CORO2A: variants seen among roughly 807,000 people sequenced by gnomAD.
The protein encoded by CORO2A is coronin 2A.
In CORO2A, 47 loss-of-function variants were observed where a neutral mutation model predicts 62.4. The ratio of observed to expected loss-of-function variants is 0.75; its 90% CI spans 0.60 to 0.96. The LOEUF (loss-of-function observed/expected upper bound fraction) is 0.96, where lower values mean the gene tolerates loss of function less well. CORO2A is among the 40% of genes least tolerant of loss of function. CORO2A has a pLI of 0.00. For synonymous variants in CORO2A, 273 were observed against 268.9 expected (o/e 1.02, Z -0.15); for missense variants, 610 against 684.1 (o/e 0.89, Z 1.21).
At chr9:98,174,489 TA>T (rs546961101) in intron 1 of CORO2A, among the ~76,000 whole-genome samples, 40 of 152,170 alleles carry the variant, frequency 2.6e-4, no homozygotes, top group Admixed American at 8.5e-4. Context: ...AATCAAAATG[TA>T]AAAATCTTGG....
intron 2 of CORO2A, among the ~76,000 whole-genome samples, chr9:98,144,899 G>A (rs1190069935): frequency 6.6e-6 from 1 of 152,032 alleles, no homozygotes; most frequent in Non-Finnish European, 1.5e-5. Context: ...ATAGAGAGGT[G>A]GACAAATGGA....
Position 98,137,848 on chromosome 9 carries a change from G to T in CORO2A, c.202-160C>A, listed in dbSNP as rs532753708. On this transcript the variant is annotated intron_variant, in intron 2 of 11. Transcript: ENST00000375077. ...TCTTATTCCCTGTGGGATCCTGGGG[G>T]AGTTACTTCACTTCTCTGAGCTCTG... 1.2e-4 allele frequency among the ~76,000 whole-genome samples: 19 copies of T among 152,300 alleles called. 1 individual carries two copies. The South Asian group carries it at 3.1e-3, about 25-fold the overall frequency.
At chr9:98,176,388 G>A (rs991423879) in intron 1 of CORO2A, among the ~76,000 whole-genome samples, 6 of 152,104 alleles carry the variant, frequency 3.9e-5, no homozygotes, top group Admixed American at 2.0e-4. Flanking sequence ...GTTTTGGCTC[G>A]TACCAGTCTA....
intron 2 of CORO2A, among the ~76,000 whole-genome samples, chr9:98,146,008 C>T (rs987318237): frequency 1.4e-4 from 21 of 152,164 alleles, no homozygotes; most frequent in Admixed American, 1.2e-3. Context: ...ACCATGCTGG[C>T]TAAGGCTGGC....
chr9:98,142,274 G>T (rs568885754), intron 2 of CORO2A, among the ~76,000 whole-genome samples: 1 of 152,236 alleles, frequency 6.6e-6, no homozygotes, highest in Non-Finnish European at 1.5e-5. Context: ...ATCCAGCATG[G>T]AGTAGGGACT....
intron 10 of CORO2A, 78 bp from the exon 11 acceptor site, chr9:98,126,901 GGCAT>G: frequency 6.7e-7 from 1 of 1,498,114 alleles, no homozygotes; most frequent in Non-Finnish European, 9.2e-7. Context: ...GACACAGGCA[GGCAT>G]GCAGAGACAC....
chr9:98,190,044 C>A (rs779108018), intron 1 of CORO2A, among the ~76,000 whole-genome samples: 1 of 152,052 alleles, frequency 6.6e-6, no homozygotes, highest in Non-Finnish European at 1.5e-5. Context: ...GCCACCACAC[C>A]CAGCTAATTT....
At chr9:98,139,139 C>T (rs1463547110) in intron 2 of CORO2A, among the ~76,000 whole-genome samples, 1 of 151,312 alleles carries the variant, frequency 6.6e-6, no homozygotes, top group Non-Finnish European at 1.5e-5. Flanking sequence ...GGAGAAGGGG[C>T]AATAGGGGGT....
intron 1 of CORO2A, among the ~76,000 whole-genome samples, chr9:98,178,385 G>A (rs1174670448): frequency 6.6e-6 from 1 of 152,220 alleles, no homozygotes; most frequent in African/African-American, 2.4e-5. Context: ...AGCATAGTAA[G>A]TAAGCACTGC....
At chr9:98,153,950 G>C (rs1431458126) in intron 2 of CORO2A, among the ~76,000 whole-genome samples, 3 of 151,948 alleles carry the variant, frequency 2.0e-5, no homozygotes, top group Non-Finnish European at 4.4e-5. Flanking sequence ...TCCATCTATG[G>C]ACATGATCAT....
intron 2 of CORO2A, among the ~76,000 whole-genome samples, chr9:98,157,118 T>C (rs1282937757): frequency 3.3e-5 from 5 of 152,226 alleles, no homozygotes; most frequent in Admixed American, 6.5e-5. Context: ...TCCCTTTTTT[T>C]GGTGGGGAAG....
Position 98,134,869 on chromosome 9 carries a change from T to A in CORO2A, c.405A>T (p.Val135=). Residue 135 remains valine, a synonymous_variant, in exon 4 of 12, where the codon GTA becomes GTT. Coordinates refer to ENST00000375077, the MANE Select transcript of CORO2A (RefSeq NM_052820.4). ...CCGTGGGGTGCCACTCCACCAGGCC[T>A]ACTCTGCGCGCGTGGCCCACGAGTT... ...RKELVGHARR[V]GLVEWHPTAA... 6.2e-7 allele frequency: 1 copy of A among 1,614,176 alleles called. No homozygotes were observed. Among genetic ancestry groups the A allele is most frequent in the Middle Eastern group, 1.6e-4 (1 of 6,062 alleles).
intron 1 of CORO2A, among the ~76,000 whole-genome samples, chr9:98,163,711 GGT>G (rs72256502): frequency 1.2e-4 from 16 of 138,618 alleles, no homozygotes; most frequent in Admixed American, 3.5e-4. Context: ...ATACATGCGG[GGT>G]GTGTGTGTGT....
At position 98,182,605 on chromosome 9, in the gene CORO2A, G is replaced by T. The variant is rs1233522180; in HGVS notation, c.-1+9954C>A. Among the ~76,000 whole-genome samples, 5 of 152,224 alleles carry T rather than the reference G, an allele frequency of 3.3e-5. No individual in the cohort carries two copies. In the South Asian group the frequency reaches 6.2e-4, roughly 19 times the overall value. On this transcript the variant is annotated intron_variant, in intron 1 of 11. Transcript: ENST00000375077. ...CTTTGTGGGGTTGGATGAGGAAAAA[G>T]AAGTGGAATCTAATTAGACCAGGTT...
At position 98,124,744 on chromosome 9, in the gene CORO2A, C is replaced by T. The variant is rs1359787183; in HGVS notation, c.*30G>A. The T allele has an allele frequency of 1.3e-6, 2 of 1,588,150 alleles. No homozygotes were observed. Among genetic ancestry groups the T allele is most frequent in the South Asian group, 2.3e-5 (2 of 86,336 alleles). On this transcript the variant is annotated 3_prime_UTR_variant, in exon 12 of 12. Coordinates refer to ENST00000375077, the MANE Select transcript of CORO2A (RefSeq NM_052820.4). Reference sequence around the variant, plus strand: ...CCTCCCCATGGAGCCGAGTGGTGTCCCTGAGGGTGAGGAGGGCAGAGGTCT... The same window carrying T: ...CCTCCCCATGGAGCCGAGTGGTGTCTCTGAGGGTGAGGAGGGCAGAGGTCT...
intron 4 of CORO2A, among the ~76,000 whole-genome samples, chr9:98,133,505 G>A (rs749639686): frequency 1.3e-5 from 2 of 152,144 alleles, no homozygotes; most frequent in African/African-American, 4.8e-5. Context: ...TAATCCAGGC[G>A]GTTTCAGTTA....
intron 1 of CORO2A, among the ~76,000 whole-genome samples, chr9:98,178,311 T>C (rs1478573814): frequency 1.3e-5 from 2 of 152,222 alleles, no homozygotes; most frequent in Non-Finnish European, 2.9e-5. Flanking sequence ...CCTCCCAAAG[T>C]ACTGGGATTA....
rs576182299 is a variant in CORO2A at position 98,163,192 on chromosome 9, C to T, written c.1-5532G>A. Among the ~76,000 whole-genome samples the T allele has an allele frequency of 1.4e-3, 219 of 152,042 alleles. 2 individuals carry two copies. Among genetic ancestry groups the T allele is most frequent in the Middle Eastern group, 3.4e-3 (1 of 294 alleles). On this transcript the variant is annotated intron_variant, in intron 1 of 11. Transcript: ENST00000375077. ...GTTTTGCATCGCACTGAGTTTATTT[C>T]TTTTTTTTTCTTTGAGACGGAGTCT...
chr9:98,182,809 T>A (rs1250821528), intron 1 of CORO2A, among the ~76,000 whole-genome samples: 1 of 152,254 alleles, frequency 6.6e-6, no homozygotes, highest in Non-Finnish European at 1.5e-5. Context: ...ACATGTCAAA[T>A]GATTCCAAGA....
Sources: gnomAD v4.1 joint callset for allele counts (sites outside exome capture counted in the v4.1 genomes callset) on GRCh38, gnomAD v4.1.1 for gene constraint, MANE v1.5 for transcripts, NCBI Gene and HGNC (gene_info 2026-07-23, HGNC 2026-07-21) for gene names.